CRPPA: variants seen among roughly 807,000 people sequenced by gnomAD.
The protein encoded by CRPPA is D-ribitol-5-phosphate cytidylyltransferase.
Under a neutral mutation model 52.0 loss-of-function variants are expected in CRPPA, and 43 were observed. The ratio of observed to expected loss-of-function variants is 0.83; its 90% confidence interval spans 0.65 to 1.07. The LOEUF (loss-of-function observed/expected upper bound fraction) is 1.07, where lower values mean the gene tolerates loss of function less well. CRPPA is among the 50% of genes least tolerant of loss of function. The pLI is 0.00. For synonymous variants in CRPPA, 250 were observed against 203.5 expected, an observed-to-expected ratio of 1.23 and a Z score of -1.94; for missense variants, 629 against 551.7, an observed-to-expected ratio of 1.14 and a Z score of -1.40.
intron 4 of CRPPA, among the ~76,000 whole-genome samples, chr7:16,302,072 G>A (rs1784798768): frequency 6.6e-6 from 1 of 152,028 alleles, no homozygotes; most frequent in Non-Finnish European, 1.5e-5. Context: ...CAAGGCAGGC[G>A]GATCACGAGG....
chr7:16,110,924 G>A lies in CRPPA; in HGVS notation c.1252-19125C>T, dbSNP rs191311043. Among the ~76,000 whole-genome samples the A allele has an allele frequency of 1.9e-4, 29 of 152,110 alleles. No individual in the cohort carries two copies. The East Asian group carries it at 3.3e-3, about 17-fold the overall frequency. ...CTACATAAGTACAGGAAACAAAAGCGAAAGTAGACAAGTGTGATTAGATCA... is the reference window on the plus strand; with the variant it reads ...CTACATAAGTACAGGAAACAAAAGCAAAAGTAGACAAGTGTGATTAGATCA... On this transcript the variant is annotated intron_variant, in intron 9 of 9. Transcript: ENST00000407010.
Position 16,089,806 on chromosome 7 carries a change from C to A in CRPPA, c.*1889G>T, listed in dbSNP as rs899682837. The A allele has an allele frequency of 1.2e-5, 2 of 172,954 alleles. No individual in the cohort carries two copies. Among genetic ancestry groups the A allele is most frequent in the Non-Finnish European group, 2.5e-5 (2 of 78,838 alleles). 10.7% of individuals were successfully genotyped at this position (172,954 alleles called of 1,614,324 possible). Reference sequence around the variant, plus strand: ...ATAAATTCTTGTCTGCTGTAGGATTCCTTAAGCTGAAGTCTATGTTAACTC... The same window carrying A: ...ATAAATTCTTGTCTGCTGTAGGATTACTTAAGCTGAAGTCTATGTTAACTC... On this transcript the variant is annotated 3_prime_UTR_variant, in exon 10 of 10. Coordinates refer to ENST00000407010, the MANE Select transcript of CRPPA (RefSeq NM_001101426.4).
At chr7:16,420,783 C>G (rs1788311864) in intron 1 of CRPPA, among the ~76,000 whole-genome samples, 1 of 152,186 alleles carries the variant, frequency 6.6e-6, no homozygotes, top group Non-Finnish European at 1.5e-5. Flanking sequence ...CTAGTCCCAA[C>G]CCATGCACTC....
rs574107195 is a variant in CRPPA at position 16,276,261 on chromosome 7, A to G, written c.933+1868T>C. On this transcript the variant is annotated intron_variant, in intron 6 of 9. Transcript: ENST00000407010. Reference sequence around the variant, plus strand: ...AACTGAAGTAACCAAACAGAAAAAAACTAAAGAAATAATGTCAAATAAAAA... The same window carrying G: ...AACTGAAGTAACCAAACAGAAAAAAGCTAAAGAAATAATGTCAAATAAAAA... Among the ~76,000 whole-genome samples, 15 of 152,278 alleles carry G rather than the reference A, an allele frequency of 9.9e-5. No homozygotes were observed. In the South Asian group the frequency reaches 3.1e-3, roughly 32 times the overall value.
At chr7:16,266,890 A>G (rs1477285666) in intron 6 of CRPPA, among the ~76,000 whole-genome samples, 2 of 152,200 alleles carry the variant, frequency 1.3e-5, no homozygotes, top group Non-Finnish European at 2.9e-5. Flanking sequence ...TACTATAACT[A>G]AAAGACAGTG....
chr7:16,175,534 C>G (rs146151268), intron 9 of CRPPA, among the ~76,000 whole-genome samples: 2 of 152,108 alleles, frequency 1.3e-5, no homozygotes, highest in South Asian at 4.1e-4. Context: ...CATCTTGTGT[C>G]GCTGTGACTA....
intron 6 of CRPPA, among the ~76,000 whole-genome samples, chr7:16,275,033 G>A (rs1379343295): frequency 6.6e-6 from 1 of 152,056 alleles, no homozygotes. Flanking sequence ...CTGAGACCAT[G>A]CCACTGCACT....
intron 3 of CRPPA, among the ~76,000 whole-genome samples, chr7:16,368,452 G>A (rs1187168469): frequency 2.0e-5 from 3 of 152,216 alleles, no homozygotes; most frequent in Non-Finnish European, 4.4e-5. Context: ...AAACACATAC[G>A]AATTTATGTA....
At chr7:16,181,484 C>T (rs1435780878) in intron 9 of CRPPA, among the ~76,000 whole-genome samples, 1 of 151,890 alleles carries the variant, frequency 6.6e-6, no homozygotes, top group Non-Finnish European at 1.5e-5. Flanking sequence ...CTTTACGTGA[C>T]TCATTTATCA....
At position 16,133,688 on chromosome 7, in the gene CRPPA, T is replaced by C. The variant is rs1404508449; in HGVS notation, c.1252-41889A>G. 3.2e-5 allele frequency among the ~76,000 whole-genome samples: 4 copies of C among 124,042 alleles called. 1 individual carries two copies. The highest frequency in any genetic ancestry group is 7.3e-5 in the Non-Finnish European group (4 of 54,650). The allele number at this position is 124,042 out of a possible 152,430, so 81.4% of individuals were successfully genotyped here. On this transcript the variant is annotated intron_variant, in intron 9 of 9. Coordinates refer to ENST00000407010, the MANE Select transcript of CRPPA (RefSeq NM_001101426.4). The stretch of plus-strand genomic sequence containing the variant: ...ACCTTGCATAACACCATGGGAGCCA[T>C]ACAAAGTACCACTGATGATGCTGGA...
chr7:16,347,795 C>A (rs1230865029), intron 3 of CRPPA, among the ~76,000 whole-genome samples: 1 of 152,148 alleles, frequency 6.6e-6, no homozygotes, highest in Admixed American at 6.5e-5. Context: ...CAGCACCCAG[C>A]TTCTCCCTGT....
chr7:16,364,647 A>G (rs1018451071), intron 3 of CRPPA, among the ~76,000 whole-genome samples: 2 of 152,230 alleles, frequency 1.3e-5, no homozygotes, highest in Admixed American at 6.5e-5. Flanking sequence ...ATTATCTGCC[A>G]TGTAATCAAT....
At position 16,286,562 on chromosome 7, in the gene CRPPA, A is replaced by ATCAGCGGATGC. The variant is rs72323274; in HGVS notation, c.836-8337_836-8336insGCATCCGCTGA. 8.6e-5 allele frequency among the ~76,000 whole-genome samples: 13 copies of ATCAGCGGATGC among 151,782 alleles called. No individual in the cohort carries two copies. The East Asian group carries it at 2.5e-3, about 30-fold the overall frequency. The stretch of plus-strand genomic sequence containing the variant: ...CAATCAACTTATACCTTACTCATCA[A>ATCAGCGGATGC]TTCCTACCAATTTCCTGAACCAATT... On this transcript the variant is annotated intron_variant, in intron 5 of 9. Transcript: ENST00000407010.
chr7:16,093,228 T>G (rs756034832), intron 9 of CRPPA, among the ~76,000 whole-genome samples: 8 of 152,112 alleles, frequency 5.3e-5, no homozygotes, highest in South Asian at 2.1e-4. Flanking sequence ...ATGGTAGCAC[T>G]CCATAAATTA....
At chr7:16,241,344 T>C (rs1458433126) in intron 8 of CRPPA, among the ~76,000 whole-genome samples, 1 of 152,108 alleles carries the variant, frequency 6.6e-6, no homozygotes, top group African/African-American at 2.4e-5. Context: ...GTATTAAAAT[T>C]CCCCCTGGTA....
At chr7:16,253,785 T>C (rs1178313848) in intron 8 of CRPPA, among the ~76,000 whole-genome samples, 1 of 151,998 alleles carries the variant, frequency 6.6e-6, no homozygotes. Flanking sequence ...GAAACTACCA[T>C]CAGAGTGAAC....
At chr7:16,361,557 T>C (rs766759797) in intron 3 of CRPPA, among the ~76,000 whole-genome samples, 6 of 152,132 alleles carry the variant, frequency 3.9e-5, no homozygotes, top group Non-Finnish European at 8.8e-5. Flanking sequence ...CCGACACATG[T>C]TCCAACACAG....
intron 9 of CRPPA, among the ~76,000 whole-genome samples, chr7:16,170,726 C>A (rs989281987): frequency 6.6e-6 from 1 of 152,166 alleles, no homozygotes; most frequent in Non-Finnish European, 1.5e-5. Context: ...CCCTGCCCTG[C>A]AGGGAGGCAG....
intron 3 of CRPPA, among the ~76,000 whole-genome samples, chr7:16,354,610 C>T (rs4406307): frequency 0.029 from 4,389 of 152,160 alleles, 104 homozygotes; most frequent in East Asian, 0.15. Context: ...AATAGGAGTT[C>T]ATTTTAGCTC....
Sources: gnomAD v4.1 joint callset for allele counts (sites outside exome capture counted in the v4.1 genomes callset) on GRCh38, gnomAD v4.1.1 for gene constraint, MANE v1.5 for transcripts, NCBI Gene and HGNC (gene_info 2026-07-23, HGNC 2026-07-21) for gene names.